Variants in TENT5D observed in about 807,000 individuals in gnomAD.
TENT5D encodes terminal nucleotidyltransferase 5D.
For synonymous variants in TENT5D, 103 were observed against 100.6 expected (o/e 1.02, Z -0.15); for missense variants, 191 against 287.0 (o/e 0.67, Z 2.42).
At chrX:80,412,188 C>G (rs1931683337) in intron 3 of TENT5D, among the ~76,000 whole-genome samples, 1 of 112,865 alleles carries the variant, frequency 8.9e-6, no homozygotes, top group Admixed American at 9.3e-5. Flanking sequence ...ACGTTGGCCC[C>G]TTTCAGCCAT....
intron 3 of TENT5D, among the ~76,000 whole-genome samples, chrX:80,409,783 C>T (rs1313195119): frequency 3.8e-5 from 4 of 103,961 alleles, no homozygotes; most frequent in East Asian, 3.1e-4. Flanking sequence ...GAGCCCGCAT[C>T]GCCAAGTCAA....
At chrX:80,397,797 C>T (rs1045465099) in intron 3 of TENT5D, among the ~76,000 whole-genome samples, 3 of 112,331 alleles carry the variant, frequency 2.7e-5, no homozygotes, top group South Asian at 3.7e-4. Context: ...GGCGTGGCGG[C>T]GCGCGCCTGC....
At chrX:80,345,613 C>G (rs377698171) in intron 3 of TENT5D, among the ~76,000 whole-genome samples, 16 of 111,758 alleles carry the variant, frequency 1.4e-4, no homozygotes, top group African/African-American at 5.2e-4. Context: ...ACTTGTCCCA[C>G]TTTAATTTTC....
chrX:80,350,816 C>T (rs778036825), intron 3 of TENT5D, among the ~76,000 whole-genome samples: 2 of 111,438 alleles, frequency 1.8e-5, no homozygotes, highest in South Asian at 3.7e-4. Context: ...TTAGTGCTTC[C>T]TTCAGGAGCT....
chrX:80,384,064 A>C (rs774852792), intron 3 of TENT5D, among the ~76,000 whole-genome samples: 5 of 108,990 alleles, frequency 4.6e-5, no homozygotes, highest in African/African-American at 1.7e-4. Flanking sequence ...ATCCTCCCTA[A>C]CTCATTTTAT....
intron 3 of TENT5D, among the ~76,000 whole-genome samples, chrX:80,405,279 G>A (rs1161805257): frequency 1.8e-5 from 2 of 112,677 alleles, no homozygotes; most frequent in African/African-American, 3.2e-5. Flanking sequence ...AACAGCTCCG[G>A]TCTACAGCTC....
At chrX:80,370,124 T>C (rs149998725) in intron 3 of TENT5D, among the ~76,000 whole-genome samples, 74 of 109,071 alleles carry the variant, frequency 6.8e-4, no homozygotes, top group African/African-American at 2.3e-3. Context: ...TTGTTTTTGG[T>C]AGAGATAGAG....
At chrX:80,416,708 G>A (rs139627522), upstream of TENT5D, among the ~76,000 whole-genome samples, 151 of 110,559 alleles carry the variant, frequency 1.4e-3, no homozygotes, top group African/African-American at 4.7e-3. Context: ...ATTTGCTGAG[G>A]ATTGTTTTTT....
chrX:80,381,112 A>G (rs1164643505), intron 3 of TENT5D, among the ~76,000 whole-genome samples: 1 of 111,592 alleles, frequency 9.0e-6, no homozygotes, highest in Non-Finnish European at 1.9e-5. Flanking sequence ...GTTCCTTTCC[A>G]TGTTTAGTGC....
chrX:80,392,492 A>G (rs369652102), intron 3 of TENT5D, among the ~76,000 whole-genome samples: 2 of 23,700 alleles, frequency 8.4e-5, no homozygotes, highest in Non-Finnish European at 1.7e-4. Flanking sequence ...TTCTCATTTT[A>G]TTCTTTTTTT....
At chrX:80,384,415 G>GGAC (rs1487747975) in intron 3 of TENT5D, among the ~76,000 whole-genome samples, 1 of 3,768 alleles carries the variant, frequency 2.7e-4, no homozygotes, top group East Asian at 1.3e-3. Context: ...GGTATTGATG[G>GGAC]AAGGTATCTC....
chrX:80,361,779 G>A (rs1930409771), intron 3 of TENT5D, among the ~76,000 whole-genome samples: 1 of 111,790 alleles, frequency 8.9e-6, no homozygotes, highest in African/African-American at 3.3e-5. Context: ...TGTGTCTACA[G>A]CATTGATAAA....
At chrX:80,425,095 A>G (rs1931965076) in intron 1 of TENT5D, among the ~76,000 whole-genome samples, 1 of 112,735 alleles carries the variant, frequency 8.9e-6, no homozygotes, top group Admixed American at 9.4e-5. Flanking sequence ...ACATCCTTTT[A>G]GTTAAACCCT....
intron 3 of TENT5D, among the ~76,000 whole-genome samples, chrX:80,372,569 T>C (rs888318732): frequency 2.7e-5 from 3 of 110,920 alleles, no homozygotes; most frequent in African/African-American, 9.8e-5. Context: ...TGAACCATCA[T>C]GGATTTTGAT....
At chrX:80,392,718 T>G (rs1487449458) in intron 3 of TENT5D, among the ~76,000 whole-genome samples, 10 of 103,599 alleles carry the variant, frequency 9.7e-5, no homozygotes, top group East Asian at 3.1e-4. Context: ...GGGTTTCACC[T>G]TGTTAGCCAG....
At chrX:80,442,791 C>T (rs767118474) in exon 3 of TENT5D, 10 of 1,209,482 alleles carry the variant, frequency 8.3e-6, no homozygotes, top group East Asian at 5.9e-5. Flanking sequence ...AGGATCTGGA[C>T]GTTATTTTTG....
rs371848581 is a variant in TENT5D, at chrX:80,386,561, A to C, written c.-142+43997A>C. Among the ~76,000 whole-genome samples the C allele has an allele frequency of 4.5e-5, 5 of 111,676 alleles. No individual in the cohort carries two copies. In the South Asian group the frequency reaches 1.9e-3, roughly 42 times the overall value. ...CCTAGAACTTAAAGTATAATAAAAA[A>C]AATAAAAATAAAAAATCTAAAAAAA... is the stretch of plus-strand genomic sequence containing the variant. On this transcript the variant is annotated intron_variant, in intron 3 of 4. Transcript: ENST00000538312.
intron 3 of TENT5D, among the ~76,000 whole-genome samples, chrX:80,395,045 T>C (rs955776221): frequency 6.3e-5 from 7 of 111,915 alleles, no homozygotes; most frequent in Non-Finnish European, 3.8e-5. Flanking sequence ...CCCCAGTCTC[T>C]GGCAAATACT....
At chrX:80,358,876 C>T (rs189856818) in intron 3 of TENT5D, among the ~76,000 whole-genome samples, 2 of 111,578 alleles carry the variant, frequency 1.8e-5, no homozygotes, top group East Asian at 2.8e-4. Flanking sequence ...TTGACTAGAA[C>T]GTTTAAGGTT....
Sources: gnomAD v4.1 joint callset for allele counts (sites outside exome capture counted in the v4.1 genomes callset) on GRCh38, gnomAD v4.1.1 for gene constraint, MANE v1.5 for transcripts, NCBI Gene and HGNC (gene_info 2026-07-23, HGNC 2026-07-21) for gene names.